ZNF219: variants seen among roughly 807,000 people sequenced by gnomAD.
ZNF219 encodes zinc finger protein 219.
Under a neutral mutation model 54.4 loss-of-function variants are expected in ZNF219, and 17 were observed. That is an observed-to-expected ratio of 0.31 (90% CI 0.21 to 0.47). ZNF219 has a LOEUF of 0.47. Among genes scored for constraint, ZNF219 ranks in the 20% least tolerant of loss-of-function variants. The probability of loss-of-function intolerance (pLI) is 1.00; values close to 1 mark genes in which losing one functional copy is unlikely to be tolerated. For synonymous variants in ZNF219, 518 were observed against 476.4 expected (o/e 1.09, Z -1.14); for missense variants, 1,014 against 1,062.3 (o/e 0.95, Z 0.63).
rs1437326009 is a variant in ZNF219, at chr14:21,091,993, G to GCCT, written c.1301_1303dup (p.Glu434dup). 1 of 1,561,424 alleles carries GCCT rather than the reference G, an allele frequency of 6.4e-7. No individual in the cohort carries two copies. The highest frequency in any genetic ancestry group is 2.4e-5 in the East Asian group (1 of 41,852). ...GCCCCGGGCCCAGGTTTCCTCCTCG[G>GCCT]CCTCCACCACCTCCTCTTCTTCCTC... On this transcript the variant is annotated inframe_insertion, in exon 3 of 5. Transcript: ENST00000360947.
upstream of ZNF219, chr14:21,102,519 C>T (rs1889707012): frequency 1.3e-6 from 2 of 1,551,572 alleles, no homozygotes; most frequent in African/African-American, 1.4e-5. Context: ...CTCCCAGGTA[C>T]TGGTCAATGA....
upstream of ZNF219, chr14:21,102,205 G>A: frequency 6.8e-7 from 1 of 1,470,304 alleles, no homozygotes; most frequent in Non-Finnish European, 9.1e-7. Context: ...AAGTGGCTAA[G>A]TGTTGACTCA....
intron 1 of ZNF219, chr14:21,097,310 G>A (rs1331538020): frequency 1.3e-5 from 2 of 152,270 alleles, no homozygotes; most frequent in African/African-American, 2.4e-5. Context: ...GAGGCGAGAG[G>A]AAGGCACACC....
intron 1 of ZNF219, 90 bp downstream of exon 1, chr14:21,098,222 G>A (rs1306527651): frequency 6.8e-6 from 1 of 146,044 alleles, no homozygotes; most frequent in Non-Finnish European, 1.5e-5. Context: ...CGCGCTGAGC[G>A]GGCCCCCCCT....
chr14:21,101,475 A>G, upstream of ZNF219: 1 of 1,540,398 alleles, frequency 6.5e-7, no homozygotes, highest in Non-Finnish European at 8.8e-7. Context: ...ACCCCATCCC[A>G]GGTCTCAGCA....
Position 21,093,173 on chromosome 14 carries a change from T to C in ZNF219, c.124A>G (p.Met42Val). Residue 42 changes from methionine (M) to valine (V), a missense_variant, in exon 3 of 5, where the codon ATG becomes GTG. Physicochemically the swap from Met to Val is conservative, Grantham distance 21. Coordinates refer to ENST00000360947, the MANE Select transcript of ZNF219 (RefSeq NM_016423.3). ...CTCTCAGACCAGCTCACCGCTCCCA[T>C]CCCGAGCGACCCTGCGCTCACGGCT... ...GPAVSAGSLG[M>V]GAVSWSESRA... 6.2e-7 allele frequency: 1 copy of C among 1,609,606 alleles called. No homozygotes were observed. The highest frequency in any genetic ancestry group is 1.7e-5 in the Admixed American group (1 of 59,882).
chr14:21,090,479 A>G lies in ZNF219; in HGVS notation c.*57T>C. The G allele has an allele frequency of 1.3e-6, 2 of 1,528,548 alleles. No individual in the cohort carries two copies. Among genetic ancestry groups the G allele is most frequent in the Non-Finnish European group, 1.8e-6 (2 of 1,135,540 alleles). 94.7% of individuals were successfully genotyped at this position (1,528,548 alleles called of 1,614,324 possible). A position where few individuals can be genotyped will look rare whatever the true frequency, so the allele number is the denominator to read the frequency against. On this transcript the variant is annotated 3_prime_UTR_variant, in exon 5 of 5. Transcript: ENST00000360947. This position sits in a 1 kb window ranked among gnomAD's most constrained non-coding sequence, Gnocchi z 4.4. Reference sequence around the variant, plus strand: ...CTGGCTTCTCTACCCAACTACCTCTAGCGCTCCCCCGCTCCGGCGGGGTAA... The same window carrying G: ...CTGGCTTCTCTACCCAACTACCTCTGGCGCTCCCCCGCTCCGGCGGGGTAA...
chr14:21,091,771 G>GT (rs1888898108), intron 3 of ZNF219, 94 bp downstream of exon 3: 8 of 1,465,496 alleles, frequency 5.5e-6, no homozygotes, highest in East Asian at 2.4e-5. Context: ...GAAATTAAAC[G>GT]TAAGTTCTTT....
chr14:21,103,779 T>G (rs2139359248), upstream of ZNF219: 1 of 155,092 alleles, frequency 6.4e-6, no homozygotes, highest in Admixed American at 6.3e-5. Context: ...GGGCCTAGCC[T>G]GGCGCTTTCT....
At position 21,090,331 on chromosome 14, in the gene ZNF219, A is replaced by G. The variant is rs1459526032; in HGVS notation, c.*205T>C. The G allele has an allele frequency of 4.0e-6, 3 of 744,732 alleles. No individual in the cohort carries two copies. Among genetic ancestry groups the G allele is most frequent in the Non-Finnish European group, 7.0e-6 (3 of 428,200 alleles). The allele number at this position is 744,732 out of a possible 1,614,324, so 46.1% of individuals were successfully genotyped here. A position where few individuals can be genotyped will look rare whatever the true frequency, so the allele number is the denominator to read the frequency against. On this transcript the variant is annotated 3_prime_UTR_variant, in exon 5 of 5. Coordinates refer to ENST00000360947, the MANE Select transcript of ZNF219 (RefSeq NM_016423.3). The surrounding 1 kb of genome is among the most constrained non-coding windows in gnomAD (Gnocchi z 4.4). ...CCGTTCTTTGACCCTCACCTCTGCC[A>G]CTTCTAAGGCACTGTGACTCCCTTG...
Position 21,098,446 on chromosome 14 carries a change from C to T in ZNF219, c.-218G>A. 1.2e-6 allele frequency: 1 copy of T among 822,940 alleles called. No individual in the cohort carries two copies. The highest frequency in any genetic ancestry group is 1.5e-6 in the Non-Finnish European group (1 of 685,328). 51.0% of individuals were successfully genotyped at this position (822,940 alleles called of 1,614,324 possible). ...GGCCCCGGCCCCCCCGCCCCCGGCCCGGCCCCCGCCCCCTCCCCGGTCCCC... is the reference window on the plus strand; with the variant it reads ...GGCCCCGGCCCCCCCGCCCCCGGCCTGGCCCCCGCCCCCTCCCCGGTCCCC... On this transcript the variant is annotated 5_prime_UTR_variant, in exon 1 of 5. Transcript: ENST00000360947.
Position 21,093,066 on chromosome 14 carries a change from C to A in ZNF219, c.231G>T (p.Arg77=), listed in dbSNP as rs759246448. The change falls in exon 3 of 5, where the codon CGG becomes CGT. Residue 77 remains arginine, a synonymous_variant. Transcript: ENST00000360947. ...GGAAGGCCTGGGCTCCTGGGTGCGC[C>A]CGCAGGTGCAAAGCAAGGATAGAGT... ...RFNSILALHL[R]AHPGAQAFQC... 3.1e-6 allele frequency: 5 copies of A among 1,601,658 alleles called. No homozygotes were observed. In the South Asian group the frequency reaches 5.5e-5, roughly 18 times the overall value.
Position 21,092,262 on chromosome 14 carries a change from C to A in ZNF219, c.1035G>T (p.Gln345His), listed in dbSNP as rs896186659. 1.6e-5 allele frequency: 24 copies of A among 1,477,430 alleles called. No homozygotes were observed. The Admixed American group carries it at 2.3e-4, about 14-fold the overall frequency. The allele number at this position is 1,477,430 out of a possible 1,614,324, so 91.5% of individuals were successfully genotyped here. The stretch of plus-strand genomic sequence containing the variant: ...AGGCCAGCAGGCCGAGGTCAGGAGG[C>A]TGGGGGGCGCGGGCAGGCCCGGAGG... The part of the protein sequence containing the change: ...GPASGPARAP[Q>H]PPDLGLLAYE... The change falls in exon 3 of 5, where the codon CAG (glutamine) becomes CAT (histidine). Residue 345 changes from glutamine to histidine, a missense_variant. Transcript: ENST00000360947.
intron 1 of ZNF219, among the ~76,000 whole-genome samples, chr14:21,097,976 C>T (rs1472803721): frequency 6.6e-6 from 1 of 151,440 alleles, no homozygotes; most frequent in Admixed American, 6.6e-5. Context: ...GCCTTCGGGC[C>T]CCTACAAAGA....
chr14:21,101,573 T>C (rs767464826), upstream of ZNF219: 32 of 911,846 alleles, frequency 3.5e-5, no homozygotes, highest in Non-Finnish European at 5.0e-5. Context: ...AGCTAGGTTC[T>C]GAATGGGAGG....
upstream of ZNF219, chr14:21,101,867 G>A (rs1434473492): frequency 1.3e-6 from 2 of 1,551,092 alleles, no homozygotes; most frequent in Admixed American, 2.0e-5. Context: ...ACCCCCAGGT[G>A]AGCCAGCTAT....
intron 1 of ZNF219, among the ~76,000 whole-genome samples, chr14:21,096,714 C>T (rs1453590879): frequency 6.6e-6 from 1 of 152,212 alleles, no homozygotes; most frequent in Non-Finnish European, 1.5e-5. Flanking sequence ...GCCAATTATC[C>T]TTACATGCTG....
At chr14:21,102,860 G>T (rs1000739889), upstream of ZNF219, 3 of 1,500,002 alleles carry the variant, frequency 2.0e-6, no homozygotes, top group African/African-American at 4.2e-5. Context: ...TGGCACTTAA[G>T]GGAAAATAAT....
At chr14:21,098,169 GCCCCTC>G in intron 1 of ZNF219, 137 bp downstream of exon 1, 1 of 144,536 alleles carries the variant, frequency 6.9e-6, no homozygotes, top group South Asian at 2.3e-4. Context: ...CCGAGCCGGC[GCCCCTC>G]CCCCGCCCCC....
Sources: allele counts gnomAD v4.1 joint callset (sites outside exome capture counted in the v4.1 genomes callset), GRCh38; gene constraint gnomAD v4.1.1; non-coding constraint Gnocchi (gnomAD v3.1); transcripts MANE v1.5; gene names NCBI Gene and HGNC (gene_info 2026-07-23, HGNC 2026-07-21).